RGS8: variants seen among roughly 807,000 people sequenced by gnomAD.
The protein encoded by RGS8 is regulator of G protein signaling 8.
RGS8 carries 8 observed loss-of-function variants against 21.7 expected under a neutral mutation model. That is an observed-to-expected ratio of 0.37 (90% CI 0.22 to 0.66). The LOEUF (loss-of-function observed/expected upper bound fraction) is 0.66, where lower values mean the gene tolerates loss of function less well. Ranked by LOEUF, RGS8 falls within the 30% of genes least tolerant of loss-of-function variation. RGS8 has a pLI of 0.59. For synonymous variants in RGS8, 80 were observed against 83.6 expected (o/e 0.96, Z 0.24); for missense variants, 157 against 217.9 (o/e 0.72, Z 1.76).
At chr1:182,688,357 G>GCT (rs57313959), upstream of RGS8, among the ~76,000 whole-genome samples, 6,309 of 147,276 alleles carry the variant, frequency 0.043, 214 homozygotes, top group East Asian at 0.17. Context: ...TCTCTCGCTC[G>GCT]CTCTCTCTCT....
chr1:182,674,853 G>A (rs943299075), upstream of RGS8, among the ~76,000 whole-genome samples: 3 of 152,102 alleles, frequency 2.0e-5, no homozygotes, highest in Non-Finnish European at 4.4e-5. Flanking sequence ...CACAACTCAC[G>A]TTTCTTACAG....
intron 5 of RGS8, among the ~76,000 whole-genome samples, chr1:182,665,608 G>A (rs890142374): frequency 6.6e-6 from 1 of 152,146 alleles, no homozygotes; most frequent in African/African-American, 2.4e-5. Flanking sequence ...AATTTGCGGG[G>A]AGGCCATTCA....
At chr1:182,657,346 T>G (rs1042474904) in intron 5 of RGS8, among the ~76,000 whole-genome samples, 5 of 152,032 alleles carry the variant, frequency 3.3e-5, no homozygotes, top group Admixed American at 2.6e-4. Context: ...CCCCTTTCCC[T>G]CCACCAGGAC....
At chr1:182,693,597 T>G in the RGS8 span, among the ~76,000 whole-genome samples, 7 of 152,248 alleles carry the variant, frequency 4.6e-5, no homozygotes, top group Admixed American at 3.9e-4. Flanking sequence ...AATTACCATT[T>G]GACCCAGCAT....
chr1:182,742,292 C>T, the RGS8 span, among the ~76,000 whole-genome samples: 4 of 149,820 alleles, frequency 2.7e-5, no homozygotes, highest in South Asian at 2.2e-4. Context: ...ACATCCCAGA[C>T]GATGGGTGGC....
the RGS8 span, among the ~76,000 whole-genome samples, chr1:182,701,913 C>A: frequency 1.3e-5 from 2 of 152,100 alleles, no homozygotes; most frequent in South Asian, 4.1e-4. Flanking sequence ...AGAACGGCTA[C>A]TATTAAAAAG....
chr1:182,746,238 C>T, the RGS8 span, among the ~76,000 whole-genome samples: 2 of 152,128 alleles, frequency 1.3e-5, no homozygotes, highest in African/African-American at 4.8e-5. Flanking sequence ...TACAAATCTG[C>T]AAAATAGGCA....
the RGS8 span, among the ~76,000 whole-genome samples, chr1:182,694,747 G>T: frequency 0.036 from 5,461 of 151,404 alleles, 129 homozygotes; most frequent in Admixed American, 0.045. Context: ...GACAGAGGTT[G>T]CAGTGAACCG....
the RGS8 span, among the ~76,000 whole-genome samples, chr1:182,742,188 G>A: frequency 7.3e-5 from 11 of 150,742 alleles, no homozygotes; most frequent in Admixed American, 5.9e-4. Flanking sequence ...GATGGCGGCC[G>A]GGAAGAGGCG....
chr1:182,691,403 T>C, the RGS8 span, among the ~76,000 whole-genome samples: 47 of 152,190 alleles, frequency 3.1e-4, no homozygotes, highest in Admixed American at 6.5e-4. Flanking sequence ...AAAGTTTACT[T>C]GTGAGAATCT....
At position 182,649,132 on chromosome 1, in the gene RGS8, C is replaced by T. The variant is rs16859363; in HGVS notation, c.194-829G>A. Reference sequence around the variant, plus strand: ...AAAAAATAGAGTCATAGTAATATTACGAAGCCACATTTAGGAAGTTGTAGT... The same window carrying T: ...AAAAAATAGAGTCATAGTAATATTATGAAGCCACATTTAGGAAGTTGTAGT... On this transcript the variant is annotated intron_variant, in intron 5 of 6. Transcript: ENST00000483095. Among the ~76,000 whole-genome samples, 1,323 of 152,196 alleles carry T rather than the reference C, an allele frequency of 8.7e-3. 17 individuals carry two copies. Among genetic ancestry groups the T allele is most frequent in the African/African-American group, 0.027 (1,132 of 41,524 alleles).
intron 1 of RGS8, among the ~76,000 whole-genome samples, chr1:182,679,476 T>G (rs1244951156): frequency 6.6e-6 from 1 of 152,110 alleles, no homozygotes; most frequent in East Asian, 1.9e-4. Flanking sequence ...CCTCCTCCTC[T>G]GTCCACCCCA....
At chr1:182,706,129 T>G in the RGS8 span, among the ~76,000 whole-genome samples, 58,700 of 151,814 alleles carry the variant, frequency 0.39, 11,425 homozygotes, top group African/African-American at 0.44. Context: ...ACTATAGGTA[T>G]GCACTACTAC....
the RGS8 span, among the ~76,000 whole-genome samples, chr1:182,700,164 G>C: frequency 1.1e-4 from 16 of 152,344 alleles, no homozygotes; most frequent in Admixed American, 4.6e-4. Flanking sequence ...CTCCGGCGAG[G>C]GGGAGGGGGA....
the RGS8 span, among the ~76,000 whole-genome samples, chr1:182,724,528 C>T: frequency 6.6e-6 from 1 of 151,644 alleles, no homozygotes; most frequent in African/African-American, 2.4e-5. Context: ...AAGGAGGAGG[C>T]TTTAGACTAA....
chr1:182,648,400 C>A, intron 5 of RGS8, 97 bp from the exon 7 acceptor site: 1 of 1,301,670 alleles, frequency 7.7e-7, no homozygotes, highest in South Asian at 1.4e-5. Flanking sequence ...GAGGGTGCCC[C>A]TAATTGTCCA....
At chr1:182,672,024 C>T, upstream of RGS8, 1 of 783,734 alleles carries the variant, frequency 1.3e-6, no homozygotes, top group African/African-American at 1.8e-5. Context: ...GAGCTGAGCT[C>T]AGCCTCACTA....
the RGS8 span, among the ~76,000 whole-genome samples, chr1:182,747,852 A>C: frequency 6.6e-6 from 1 of 151,752 alleles, no homozygotes; most frequent in Admixed American, 6.6e-5. Flanking sequence ...AAATACGAAA[A>C]AAAAAAAAAA....
chr1:182,657,466 T>C (rs1480548617), intron 5 of RGS8, among the ~76,000 whole-genome samples: 1 of 152,266 alleles, frequency 6.6e-6, no homozygotes, highest in South Asian at 2.1e-4. Context: ...TGCTTTGCAT[T>C]AGCTGTGTTT....
Sources: gnomAD v4.1 joint callset for allele counts (sites outside exome capture counted in the v4.1 genomes callset) on GRCh38, gnomAD v4.1.1 for gene constraint, MANE v1.5 for transcripts, NCBI Gene and HGNC (gene_info 2026-07-23, HGNC 2026-07-21) for gene names.